HSDL2: variants seen among roughly 807,000 people sequenced by gnomAD.
HSDL2 encodes the protein hydroxysteroid dehydrogenase like 2.
Under a neutral mutation model 46.3 loss-of-function variants are expected in HSDL2, and 27 were observed. The ratio of observed to expected loss-of-function variants is 0.58; its 90% CI spans 0.43 to 0.80. The LOEUF is 0.80. HSDL2 is among the 30% of genes least tolerant of loss of function. The probability of loss-of-function intolerance (pLI) is 0.00; values close to 1 mark genes in which losing one functional copy is unlikely to be tolerated. For missense variants in HSDL2, 451 were observed against 502.7 expected (o/e 0.90, Z 0.98); for synonymous variants, 153 against 163.6 (o/e 0.94, Z 0.50).
intron 1 of HSDL2, among the ~76,000 whole-genome samples, chr9:112,395,771 C>T (rs1363721594): frequency 6.6e-6 from 1 of 152,244 alleles, no homozygotes; most frequent in Non-Finnish European, 1.5e-5. Context: ...CTCCACTTCC[C>T]TGATTTCTTT....
At chr9:112,442,914 T>C (rs958398783) in intron 8 of HSDL2, among the ~76,000 whole-genome samples, 1 of 152,146 alleles carries the variant, frequency 6.6e-6, no homozygotes, top group Non-Finnish European at 1.5e-5. Context: ...TTTATGGTAA[T>C]TTAAAAAAAT....
At chr9:112,425,992 C>T (rs1056434949) in intron 6 of HSDL2, among the ~76,000 whole-genome samples, 2 of 152,184 alleles carry the variant, frequency 1.3e-5, no homozygotes, top group African/African-American at 2.4e-5. Flanking sequence ...CCTTGCACCT[C>T]GGCCTCCCAA....
chr9:112,441,256 A>G (rs1257774957), intron 7 of HSDL2, among the ~76,000 whole-genome samples: 1 of 152,116 alleles, frequency 6.6e-6, no homozygotes, highest in Non-Finnish European at 1.5e-5. Context: ...AGTGTTCATG[A>G]TGATGGAGTG....
intron 8 of HSDL2, among the ~76,000 whole-genome samples, chr9:112,446,608 GT>G (rs2132681246): frequency 6.6e-6 from 1 of 152,306 alleles, no homozygotes; most frequent in South Asian, 2.1e-4. Context: ...TCCAGCCTGG[GT>G]GACAGAGGGA....
At chr9:112,416,464 GC>G (rs1451959556) in intron 4 of HSDL2, among the ~76,000 whole-genome samples, 1 of 151,346 alleles carries the variant, frequency 6.6e-6, no homozygotes, top group Non-Finnish European at 1.5e-5. Context: ...AAAGAAGTTG[GC>G]TGGTCGCAGT....
At chr9:112,450,254 A>ACCC (rs751543667) in intron 8 of HSDL2, among the ~76,000 whole-genome samples, 121 of 17,800 alleles carry the variant, frequency 6.8e-3, no homozygotes, top group African/African-American at 0.032. Flanking sequence ...ACATAGCGAG[A>ACCC]CCCCCCCCCC....
At chr9:112,450,558 G>A (rs1205386801) in intron 8 of HSDL2, among the ~76,000 whole-genome samples, 1 of 150,986 alleles carries the variant, frequency 6.6e-6, no homozygotes, top group Non-Finnish European at 1.5e-5. Context: ...GAACCTGGGA[G>A]GTGGAGGTTG....
intron 1 of HSDL2, among the ~76,000 whole-genome samples, chr9:112,394,664 G>A (rs1773872527): frequency 6.6e-6 from 1 of 152,118 alleles, no homozygotes; most frequent in African/African-American, 2.4e-5. Flanking sequence ...AAGGAGAAAG[G>A]GAGAGGCCGG....
chr9:112,400,658 T>G (rs2132615886), intron 1 of HSDL2, among the ~76,000 whole-genome samples: 1 of 152,278 alleles, frequency 6.6e-6, no homozygotes, highest in Non-Finnish European at 1.5e-5. Context: ...AACAAATGGA[T>G]GCTCTCACTG....
intron 1 of HSDL2, 125 bp downstream of exon 1, chr9:112,380,305 C>G (rs1831054255): frequency 1.1e-6 from 1 of 871,444 alleles, no homozygotes; most frequent in African/African-American, 1.8e-5. Flanking sequence ...TGCCTGGGCA[C>G]GCTCTGAGCT....
chr9:112,390,780 A>G (rs1831324966), intron 1 of HSDL2, among the ~76,000 whole-genome samples: 1 of 152,200 alleles, frequency 6.6e-6, no homozygotes, highest in Non-Finnish European at 1.5e-5. Context: ...AGGGTAAACC[A>G]TAAAACTTTT....
chr9:112,421,131 A>G (rs1832113431), intron 6 of HSDL2, among the ~76,000 whole-genome samples: 1 of 152,136 alleles, frequency 6.6e-6, no homozygotes, highest in Admixed American at 6.6e-5. Flanking sequence ...GGAGTTCAAG[A>G]CCAGCCTAGG....
chr9:112,455,136 G>C (rs1038317056), intron 9 of HSDL2, among the ~76,000 whole-genome samples: 1 of 152,102 alleles, frequency 6.6e-6, no homozygotes, highest in African/African-American at 2.4e-5. Context: ...AGGAGGCTGA[G>C]GCTGGAGGAT....
chr9:112,403,022 A>C (rs1831643996), intron 1 of HSDL2, among the ~76,000 whole-genome samples: 1 of 152,190 alleles, frequency 6.6e-6, no homozygotes, highest in Non-Finnish European at 1.5e-5. Context: ...CCATCAGTAC[A>C]TTTGAATCAG....
chr9:112,441,802 A>G (rs759487925), intron 8 of HSDL2, 32 bp downstream of exon 8: 1 of 1,329,088 alleles, frequency 7.5e-7, no homozygotes, highest in East Asian at 2.3e-5. Context: ...ATGTTAGAAA[A>G]TATAAATCCT....
chr9:112,472,128 G>C lies in HSDL2; in HGVS notation c.*1584G>C, dbSNP rs1322714372. ...AAAATAGGACAGTTTCAACAAGTCA[G>C]GAGATTCACAGCAACTGATCAAAGG... On this transcript the variant is annotated 3_prime_UTR_variant, in exon 11 of 11. Transcript: ENST00000398805. 2 of 152,216 alleles carry C rather than the reference G, an allele frequency of 1.3e-5. No individual in the cohort carries two copies. Among genetic ancestry groups the C allele is most frequent in the Non-Finnish European group, 2.9e-5 (2 of 68,048 alleles). 9.4% of individuals were successfully genotyped at this position (152,216 alleles called of 1,614,324 possible).
intron 10 of HSDL2, among the ~76,000 whole-genome samples, chr9:112,467,740 G>A (rs943364655): frequency 3.9e-5 from 6 of 152,120 alleles, no homozygotes; most frequent in African/African-American, 7.2e-5. Flanking sequence ...TCTTCCCACA[G>A]CTTCTTGATG....
chr9:112,413,685 A>G (rs1419384346), intron 4 of HSDL2, among the ~76,000 whole-genome samples: 2 of 152,128 alleles, frequency 1.3e-5, no homozygotes, highest in African/African-American at 2.4e-5. Context: ...GTATCTCTGA[A>G]CAGTTGATTT....
At chr9:112,430,787 C>T (rs375060914) in intron 6 of HSDL2, among the ~76,000 whole-genome samples, 1 of 152,016 alleles carries the variant, frequency 6.6e-6, no homozygotes, top group Non-Finnish European at 1.5e-5. Flanking sequence ...TGCGGTGGCT[C>T]GCATCTGTAA....
Sources: allele counts gnomAD v4.1 joint callset (sites outside exome capture counted in the v4.1 genomes callset), GRCh38; gene constraint gnomAD v4.1.1; transcripts MANE v1.5; gene names NCBI Gene and HGNC (gene_info 2026-07-23, HGNC 2026-07-21).